Variants in CDC73 observed in about 807,000 individuals in gnomAD.
CDC73 encodes cell division cycle 73, also known as parafibromin.
CDC73 carries 21 observed loss-of-function variants against 83.7 expected under a neutral mutation model. The ratio of observed to expected loss-of-function variants is 0.25; its 90% CI spans 0.18 to 0.36. CDC73 has a LOEUF of 0.36. CDC73 is among the 10% of genes least tolerant of loss of function. The pLI is 1.00. For missense variants in CDC73, 342 were observed against 653.3 expected (o/e 0.52, Z 5.19); for synonymous variants, 224 against 212.9 (o/e 1.05, Z -0.45).
chr1:193,244,849 G>A (rs1160239915), intron 15 of CDC73, among the ~76,000 whole-genome samples: 2 of 152,100 alleles, frequency 1.3e-5, no homozygotes, highest in East Asian at 3.8e-4. Context: ...TACTACCTGA[G>A]TGTTGTATAT....
intron 1 of CDC73, among the ~76,000 whole-genome samples, chr1:193,123,056 A>G (rs771809898): frequency 4.6e-5 from 7 of 152,208 alleles, no homozygotes; most frequent in Admixed American, 1.3e-4. Context: ...GAAAACTTCT[A>G]GAGACGGCTC....
intron 5 of CDC73, chr1:193,136,434 G>A: frequency 8.4e-6 from 2 of 237,690 alleles, no homozygotes; most frequent in Non-Finnish European, 9.8e-6. Context: ...GATGATAATT[G>A]ATTCATTGTT....
chr1:193,224,467 G>T (rs12410213), intron 13 of CDC73, among the ~76,000 whole-genome samples: 93,218 of 148,234 alleles, frequency 0.63, 29,509 homozygotes, highest in South Asian at 0.77. Context: ...ATGCACATAC[G>T]AAATTTATGC....
At position 193,242,561 on chromosome 1, in the gene CDC73, C is replaced by T. The variant is rs556144897; in HGVS notation, c.1417+6205C>T. Reference sequence around the variant, plus strand: ...TGGTTCTTTTTGTTTGTTGACCCTCCTGGTAACTTACAGAAGGTGGTTCTT... The same window carrying T: ...TGGTTCTTTTTGTTTGTTGACCCTCTTGGTAACTTACAGAAGGTGGTTCTT... On this transcript the variant is annotated intron_variant, in intron 15 of 16. Transcript: ENST00000367435. Among the ~76,000 whole-genome samples the T allele has an allele frequency of 2.6e-5, 4 of 152,254 alleles. 1 individual carries two copies. In the South Asian group the frequency reaches 8.3e-4, roughly 32 times the overall value.
In CDC73 at chr1:193,222,788, C is replaced by A. The variant is rs556777096; in HGVS notation, c.1155-10205C>A. Among the ~76,000 whole-genome samples, 199 of 128,756 alleles carry A rather than the reference C, an allele frequency of 1.5e-3. 2 individuals carry two copies. Among genetic ancestry groups the A allele is most frequent in the Non-Finnish European group, 1.8e-3 (111 of 60,338 alleles). The allele number at this position is 128,756 out of a possible 152,430, so 84.5% of individuals were successfully genotyped here. ...TTTTTTTTTTGCATATGTTCTGTTC[C>A]CCATCCCCCCTTTTTTCTCACCTCT... On this transcript the variant is annotated intron_variant, in intron 13 of 16. Coordinates refer to ENST00000367435, the MANE Select transcript of CDC73 (RefSeq NM_024529.5).
At chr1:193,248,449 A>G (rs1481705609) in intron 15 of CDC73, among the ~76,000 whole-genome samples, 3 of 152,130 alleles carry the variant, frequency 2.0e-5, no homozygotes, top group African/African-American at 7.2e-5. Flanking sequence ...TCCTCAGCCC[A>G]TAGATCAAGG....
At chr1:193,128,472 A>C (rs1252112288) in intron 2 of CDC73, among the ~76,000 whole-genome samples, 1 of 151,644 alleles carries the variant, frequency 6.6e-6, no homozygotes, top group African/African-American at 2.4e-5. Context: ...TGCCTGGCTA[A>C]CTTTTATATT....
intron 5 of CDC73, among the ~76,000 whole-genome samples, chr1:193,137,816 T>A (rs1675826952): frequency 6.6e-6 from 1 of 152,212 alleles, no homozygotes; most frequent in Non-Finnish European, 1.5e-5. Context: ...GAAAGTCAGC[T>A]ATGATATGGG....
chr1:193,225,286 G>A (rs1028402747), intron 13 of CDC73, among the ~76,000 whole-genome samples: 2 of 146,050 alleles, frequency 1.4e-5, no homozygotes, highest in Non-Finnish European at 1.5e-5. Flanking sequence ...ACATACTACG[G>A]TTTCTTTATC....
chr1:193,183,777 A>G (rs920407327), intron 10 of CDC73, among the ~76,000 whole-genome samples: 2 of 151,902 alleles, frequency 1.3e-5, no homozygotes, highest in African/African-American at 4.8e-5. Flanking sequence ...AATCTGTTCT[A>G]AGTGTTACAA....
At chr1:193,226,940 T>C (rs979056495) in intron 13 of CDC73, among the ~76,000 whole-genome samples, 5 of 152,214 alleles carry the variant, frequency 3.3e-5, no homozygotes, top group African/African-American at 2.4e-5. Flanking sequence ...TGAATCCTTC[T>C]GGTTCTGAAC....
chr1:193,137,888 T>C (rs1403631629), intron 5 of CDC73, among the ~76,000 whole-genome samples, 197 bp from the exon 6 acceptor site: 1 of 152,218 alleles, frequency 6.6e-6, no homozygotes, highest in African/African-American at 2.4e-5. Context: ...TTTTCGATGA[T>C]TCCAGTCTTA....
intron 7 of CDC73, among the ~76,000 whole-genome samples, chr1:193,143,943 C>G (rs1448810458): frequency 6.6e-6 from 1 of 151,878 alleles, no homozygotes; most frequent in East Asian, 1.9e-4. Context: ...AACCCTGTCT[C>G]TACTAAAAAT....
At chr1:193,204,992 T>C (rs1677161994) in intron 11 of CDC73, among the ~76,000 whole-genome samples, 2 of 152,140 alleles carry the variant, frequency 1.3e-5, no homozygotes, top group Non-Finnish European at 2.9e-5. Context: ...TTTTTTAAAA[T>C]GTGTTAAGCA....
chr1:193,207,580 C>T (rs116024508), intron 11 of CDC73, among the ~76,000 whole-genome samples: 3,565 of 152,164 alleles, frequency 0.023, 137 homozygotes, highest in African/African-American at 0.082. Flanking sequence ...AAGAATTCAG[C>T]GATATCTCTC....
At chr1:193,190,173 G>T (rs1002394667) in intron 10 of CDC73, among the ~76,000 whole-genome samples, 1 of 152,152 alleles carries the variant, frequency 6.6e-6, no homozygotes, top group Non-Finnish European at 1.5e-5. Flanking sequence ...TAATGTTTTA[G>T]ATCAGGTATA....
chr1:193,241,029 G>A (rs1484824131), intron 15 of CDC73, among the ~76,000 whole-genome samples: 2 of 152,146 alleles, frequency 1.3e-5, no homozygotes, highest in African/African-American at 4.8e-5. Context: ...ATTGGGATCT[G>A]TAGCTGGAGA....
rs1448322761 is a variant in CDC73, at chr1:193,249,803, A to G, written c.1491A>G (p.Leu497=). ...PNVQKWDVTV[L]ELSYHKRHLD... The stretch of plus-strand genomic sequence containing the variant: ...TTCAGAAATGGGATGTAACAGTATT[A>G]GAACTCAGCTATCACAAACGTCATT... The change falls in exon 16 of 17, where the codon TTA becomes TTG. Residue 497 remains leucine, a synonymous_variant. Coordinates refer to ENST00000367435, the MANE Select transcript of CDC73 (RefSeq NM_024529.5). 1.9e-6 allele frequency: 3 copies of G among 1,611,956 alleles called. No individual in the cohort carries two copies. The highest frequency in any genetic ancestry group is 2.2e-5 in the East Asian group (1 of 44,784).
chr1:193,180,164 A>G lies in CDC73; in HGVS notation c.973-23631A>G, dbSNP rs968974283. On this transcript the variant is annotated intron_variant, in intron 10 of 16. Coordinates refer to ENST00000367435, the MANE Select transcript of CDC73 (RefSeq NM_024529.5). ...AAGAATTAACTTCTTCAGAAATTAA[A>G]AAAATACTTCTTGAATTTCTTTATG... The G allele has an allele frequency of 5.3e-5, 44 of 823,398 alleles. No homozygotes were observed. The African/African-American group carries it at 7.3e-4, about 14-fold the overall frequency. The allele number at this position is 823,398 out of a possible 1,614,324, so 51.0% of individuals were successfully genotyped here.
Sources: gnomAD v4.1 joint callset for allele counts (sites outside exome capture counted in the v4.1 genomes callset) on GRCh38, gnomAD v4.1.1 for gene constraint, MANE v1.5 for transcripts, NCBI Gene and HGNC (gene_info 2026-07-23, HGNC 2026-07-21) for gene names.